CSMD1: variants seen among roughly 807,000 people sequenced by gnomAD.
CSMD1 encodes the protein CUB and sushi domain-containing protein 1.
In CSMD1, 213 loss-of-function variants were observed where a neutral mutation model predicts 417.5. That is an observed-to-expected ratio of 0.51 (90% CI 0.46 to 0.57). The LOEUF (loss-of-function observed/expected upper bound fraction) is 0.57. Among genes scored for constraint, CSMD1 ranks in the 20% least tolerant of loss-of-function variants. CSMD1 has a pLI of 0.00. For missense variants in CSMD1, 6,923 were observed against 4,529.7 expected (o/e 1.53, Z -15.17); for synonymous variants, 2,862 against 1,736.8 (o/e 1.65, Z -16.11).
At chr8:4,672,874 C>T (rs1398823519) in intron 1 of CSMD1, among the ~76,000 whole-genome samples, 1 of 152,124 alleles carries the variant, frequency 6.6e-6, no homozygotes, top group African/African-American at 2.4e-5. Context: ...TACATGGTAA[C>T]ATGGAGCACA....
At chr8:3,558,595 G>C (rs1471483687) in intron 10 of CSMD1, among the ~76,000 whole-genome samples, 1 of 128,780 alleles carries the variant, frequency 7.8e-6, no homozygotes, top group Non-Finnish European at 1.5e-5. Flanking sequence ...TGTCTCAATA[G>C]TACCCCGTGT....
chr8:4,788,404 C>G, intron 1 of CSMD1: 1 of 1,372,934 alleles, frequency 7.3e-7, no homozygotes, highest in Non-Finnish European at 1.0e-6. Flanking sequence ...GTGTGGTCTT[C>G]TCTTTGACTA....
chr8:3,073,767 T>A (rs1420278543), intron 49 of CSMD1, among the ~76,000 whole-genome samples: 1 of 147,476 alleles, frequency 6.8e-6, no homozygotes, highest in Non-Finnish European at 1.5e-5. Flanking sequence ...TTTAAAAAAA[T>A]ATAAAATATA....
chr8:3,712,120 T>A (rs538612435), intron 6 of CSMD1, among the ~76,000 whole-genome samples: 16 of 151,894 alleles, frequency 1.1e-4, no homozygotes, highest in African/African-American at 3.6e-4. Context: ...TATACTGATG[T>A]AGACTATCTG....
chr8:4,767,604 G>C (rs1473567651), intron 1 of CSMD1, among the ~76,000 whole-genome samples: 3 of 152,096 alleles, frequency 2.0e-5, no homozygotes, highest in Non-Finnish European at 4.4e-5. Flanking sequence ...GTCCTCCCTA[G>C]GACCTGCGAC....
At chr8:4,213,138 G>T (rs980849111) in intron 3 of CSMD1, among the ~76,000 whole-genome samples, 1 of 152,122 alleles carries the variant, frequency 6.6e-6, no homozygotes, top group African/African-American at 2.4e-5. Flanking sequence ...ACAACATCTG[G>T]AAAATTTCTT....
intron 5 of CSMD1, among the ~76,000 whole-genome samples, chr8:3,927,383 A>G (rs1451520615): frequency 6.6e-6 from 1 of 151,932 alleles, no homozygotes; most frequent in African/African-American, 2.4e-5. Context: ...AGAAAACAAT[A>G]CAGCCAGACA....
intron 5 of CSMD1, among the ~76,000 whole-genome samples, chr8:3,800,728 G>A (rs1398906458): frequency 2.0e-5 from 3 of 152,082 alleles, no homozygotes; most frequent in Non-Finnish European, 4.4e-5. Flanking sequence ...AGTTCTTGAA[G>A]GAAAAGATTA....
At chr8:3,374,944 T>A (rs1810211213) in intron 18 of CSMD1, among the ~76,000 whole-genome samples, 1 of 152,122 alleles carries the variant, frequency 6.6e-6, no homozygotes, top group African/African-American at 2.4e-5. Flanking sequence ...AGTTTATGGA[T>A]GGGAGGAGGG....
intron 51 of CSMD1, among the ~76,000 whole-genome samples, chr8:3,021,148 A>G (rs74823609): frequency 0.017 from 2,554 of 152,286 alleles, 23 homozygotes; most frequent in East Asian, 0.038. Context: ...AATGGTAGAG[A>G]AGCAAGACCA....
chr8:4,253,092 C>T (rs1420868346), intron 3 of CSMD1, among the ~76,000 whole-genome samples: 1 of 152,182 alleles, frequency 6.6e-6, no homozygotes, highest in Non-Finnish European at 1.5e-5. Context: ...AAGATTCTGG[C>T]AAAATCTAGG....
At chr8:3,151,203 A>G (rs1819173586) in intron 40 of CSMD1, 194 bp downstream of exon 40, 2 of 509,520 alleles carry the variant, frequency 3.9e-6, no homozygotes, top group Non-Finnish European at 7.0e-6. Flanking sequence ...AAAGAGTTGC[A>G]TGGCTTAATT....
chr8:3,101,737 C>T (rs1281767903), intron 46 of CSMD1, among the ~76,000 whole-genome samples: 1 of 151,102 alleles, frequency 6.6e-6, no homozygotes, highest in Middle Eastern at 3.4e-3. Flanking sequence ...TCCTGACTTT[C>T]AAAGAACAAT....
intron 11 of CSMD1, among the ~76,000 whole-genome samples, chr8:3,474,378 G>C (rs981240053): frequency 6.6e-6 from 1 of 152,164 alleles, no homozygotes; most frequent in Non-Finnish European, 1.5e-5. Flanking sequence ...CTCGGGGGAA[G>C]AGGTTTTCCT....
intron 42 of CSMD1, among the ~76,000 whole-genome samples, chr8:3,117,318 A>T (rs752668793): frequency 6.6e-6 from 1 of 152,106 alleles, no homozygotes; most frequent in African/African-American, 2.4e-5. Flanking sequence ...TGATCCGCCC[A>T]CCTCAGCCTC....
At chr8:4,387,698 T>C (rs1235622868) in intron 3 of CSMD1, among the ~76,000 whole-genome samples, 1 of 151,856 alleles carries the variant, frequency 6.6e-6, no homozygotes, top group Non-Finnish European at 1.5e-5. Context: ...GAGACAGCCT[T>C]GAGGCAATAG....
At chr8:4,337,253 T>C (rs1024897727) in intron 3 of CSMD1, among the ~76,000 whole-genome samples, 6 of 152,102 alleles carry the variant, frequency 3.9e-5, no homozygotes, top group African/African-American at 1.4e-4. Flanking sequence ...TGATAAAACA[T>C]AGCATCATGG....
At chr8:4,524,479 G>A (rs992183593) in intron 2 of CSMD1, among the ~76,000 whole-genome samples, 6 of 151,790 alleles carry the variant, frequency 4.0e-5, no homozygotes, top group African/African-American at 4.8e-5. Context: ...GTGAGGCCAC[G>A]TTGGTGAAGC....
intron 3 of CSMD1, among the ~76,000 whole-genome samples, chr8:4,411,088 C>G (rs1796628554): frequency 6.6e-6 from 1 of 152,084 alleles, no homozygotes; most frequent in Admixed American, 6.6e-5. Flanking sequence ...CCCAAGGCCC[C>G]CTCCACGTGT....
Sources: gnomAD v4.1 joint callset for allele counts (sites outside exome capture counted in the v4.1 genomes callset) on GRCh38, gnomAD v4.1.1 for gene constraint, MANE v1.5 for transcripts, NCBI Gene and HGNC (gene_info 2026-07-23, HGNC 2026-07-21) for gene names.